Variants in FIGN observed in about 807,000 individuals in gnomAD.
FIGN encodes the protein fidgetin, microtubule severing factor.
FIGN carries 11 observed loss-of-function variants against 51.3 expected under a neutral mutation model. The observed-to-expected ratio is 0.21, with a 90% confidence interval of 0.13 to 0.35. FIGN has a LOEUF of 0.35. Ranked by LOEUF, FIGN falls within the 10% of genes least tolerant of loss-of-function variation. The probability of loss-of-function intolerance (pLI) is 1.00; values close to 1 mark genes in which losing one functional copy is unlikely to be tolerated. For synonymous variants in FIGN, 407 were observed against 363.2 expected (o/e 1.12, Z -1.37); for missense variants, 857 against 943.6 (o/e 0.91, Z 1.20).
chr2:163,652,491 T>C (rs1002547458), intron 2 of FIGN, among the ~76,000 whole-genome samples: 13 of 149,802 alleles, frequency 8.7e-5, no homozygotes, highest in Non-Finnish European at 1.9e-4. Context: ...CAAAAAAAAC[T>C]AGATAAACTG....
At chr2:163,706,821 C>T (rs910953529) in intron 2 of FIGN, among the ~76,000 whole-genome samples, 2 of 152,024 alleles carry the variant, frequency 1.3e-5, no homozygotes, top group African/African-American at 4.8e-5. Flanking sequence ...TTTTCAAACA[C>T]AAGGTTTTAT....
chr2:163,693,823 G>A (rs931418773), intron 2 of FIGN, among the ~76,000 whole-genome samples: 2 of 152,052 alleles, frequency 1.3e-5, no homozygotes, highest in African/African-American at 2.4e-5. Flanking sequence ...GAGGTGATAC[G>A]AAACATATGT....
chr2:163,657,805 T>G (rs1353750126), intron 2 of FIGN, among the ~76,000 whole-genome samples: 1 of 152,120 alleles, frequency 6.6e-6, no homozygotes, highest in Non-Finnish European at 1.5e-5. Flanking sequence ...GATGGTATAG[T>G]GCACAATGTA....
At chr2:163,624,248 A>G (rs907129260) in intron 2 of FIGN, among the ~76,000 whole-genome samples, 3 of 152,108 alleles carry the variant, frequency 2.0e-5, no homozygotes, top group African/African-American at 7.2e-5. Context: ...TCTGATAATT[A>G]GCATGCATGG....
intron 2 of FIGN, among the ~76,000 whole-genome samples, chr2:163,632,017 G>A (rs1011089206): frequency 9.9e-5 from 15 of 152,158 alleles, no homozygotes; most frequent in Middle Eastern, 6.8e-3. Flanking sequence ...GCATAGTGGC[G>A]CGTGCCTGTA....
chr2:163,671,811 A>G (rs1167818714), intron 2 of FIGN, among the ~76,000 whole-genome samples: 1 of 152,176 alleles, frequency 6.6e-6, no homozygotes, highest in East Asian at 1.9e-4. Context: ...TCAAGTCACA[A>G]AATAGGTGAG....
chr2:163,725,869 G>A (rs1684830520), intron 2 of FIGN, among the ~76,000 whole-genome samples: 1 of 151,918 alleles, frequency 6.6e-6, no homozygotes, highest in African/African-American at 2.4e-5. Context: ...TCACACCCAT[G>A]TTTTTAAAAA....
chr2:163,634,548 C>T (rs1683196696), intron 2 of FIGN, among the ~76,000 whole-genome samples: 1 of 152,088 alleles, frequency 6.6e-6, no homozygotes, highest in South Asian at 2.1e-4. Flanking sequence ...CCTGAGGTCG[C>T]TTATCTTTTT....
intron 2 of FIGN, among the ~76,000 whole-genome samples, chr2:163,674,288 G>A (rs935913985): frequency 1.3e-5 from 2 of 152,118 alleles, no homozygotes; most frequent in African/African-American, 4.8e-5. Flanking sequence ...GTGTTTTACA[G>A]TTTTTGTTGT....
chr2:163,700,128 C>T (rs747319790), intron 2 of FIGN, among the ~76,000 whole-genome samples: 2 of 152,076 alleles, frequency 1.3e-5, no homozygotes, highest in South Asian at 2.1e-4. Context: ...GCCTTGTGTT[C>T]GCATTTTGCA....
At chr2:163,691,366 C>T (rs1292125209) in intron 2 of FIGN, among the ~76,000 whole-genome samples, 2 of 152,102 alleles carry the variant, frequency 1.3e-5, no homozygotes, top group African/African-American at 2.4e-5. Flanking sequence ...TTTATTTTCA[C>T]AAGTCAACAA....
intron 2 of FIGN, among the ~76,000 whole-genome samples, chr2:163,650,896 TGAGAAA>T (rs1683462573): frequency 6.6e-6 from 1 of 152,182 alleles, no homozygotes; most frequent in Non-Finnish European, 1.5e-5. Context: ...ACATTCTAAA[TGAGAAA>T]GTTGCTGTAT....
chr2:163,729,236 C>CATATGAAATAT (rs1268729537), intron 2 of FIGN, among the ~76,000 whole-genome samples: 1 of 151,790 alleles, frequency 6.6e-6, no homozygotes. Context: ...TCTACATACA[C>CATATGAAATAT]ATATGAAATA....
chr2:163,684,835 C>T (rs934193098), intron 2 of FIGN, among the ~76,000 whole-genome samples: 10 of 152,014 alleles, frequency 6.6e-5, no homozygotes, highest in South Asian at 2.1e-4. Context: ...AGTGCACTGG[C>T]GTGATCTCGG....
At chr2:163,707,300 G>C (rs775556255) in intron 2 of FIGN, among the ~76,000 whole-genome samples, 1 of 151,966 alleles carries the variant, frequency 6.6e-6, no homozygotes, top group Non-Finnish European at 1.5e-5. Flanking sequence ...ACCTTGCAGT[G>C]GGTCAAGATC....
At chr2:163,714,806 G>A (rs1684643724) in intron 2 of FIGN, among the ~76,000 whole-genome samples, 1 of 152,134 alleles carries the variant, frequency 6.6e-6, no homozygotes. Flanking sequence ...AATCATGTCA[G>A]GCAGTTAGCA....
chr2:163,618,791 A>G (rs1321576664), intron 2 of FIGN, among the ~76,000 whole-genome samples: 3 of 152,162 alleles, frequency 2.0e-5, no homozygotes, highest in Non-Finnish European at 1.5e-5. Context: ...TTTTCATGGT[A>G]TCTACCAGGT....
intron 2 of FIGN, among the ~76,000 whole-genome samples, chr2:163,669,510 G>C (rs183790791): frequency 7.9e-5 from 12 of 152,252 alleles, no homozygotes; most frequent in African/African-American, 2.9e-4. Flanking sequence ...ATACGTATTT[G>C]ACTTCATACA....
chr2:163,669,694 G>A (rs906889148), intron 2 of FIGN, among the ~76,000 whole-genome samples: 2 of 152,158 alleles, frequency 1.3e-5, no homozygotes, highest in African/African-American at 4.8e-5. Flanking sequence ...AGTTGCTCTT[G>A]TGGCTTTCTT....
Sources: allele counts gnomAD v4.1 joint callset (sites outside exome capture counted in the v4.1 genomes callset), GRCh38; gene constraint gnomAD v4.1.1; transcripts MANE v1.5; gene names NCBI Gene and HGNC (gene_info 2026-07-23, HGNC 2026-07-21).